Variants in FSHR observed in about 807,000 individuals in gnomAD.
FSHR encodes follicle-stimulating hormone receptor.
In FSHR, 46 loss-of-function variants were observed where a neutral mutation model predicts 52.1. The ratio of observed to expected loss-of-function variants is 0.88; its 90% CI spans 0.70 to 1.13. The LOEUF (loss-of-function observed/expected upper bound fraction) is 1.13. Ranked by LOEUF, FSHR falls within the 50% of genes most tolerant of loss-of-function variation. FSHR has a pLI of 0.00. For missense variants in FSHR, 964 were observed against 834.6 expected (o/e 1.16, Z -1.91); for synonymous variants, 399 against 309.6 (o/e 1.29, Z -3.03).
intron 4 of FSHR, chr2:49,015,057 A>G: frequency 3.3e-6 from 1 of 305,966 alleles, no homozygotes; most frequent in Non-Finnish European, 6.5e-6. Flanking sequence ...GTTTTTATAT[A>G]AAAACAATTT....
At position 48,968,678 on chromosome 2, in the gene FSHR, G is replaced by C. The variant is rs1674589672; in HGVS notation, c.854+20C>G. The C allele has an allele frequency of 5.0e-6, 8 of 1,613,456 alleles. No individual in the cohort carries two copies. The highest frequency in any genetic ancestry group is 6.8e-6 in the Non-Finnish European group (8 of 1,179,402). ...CTACATTGGGGAAATGCCTGAGCAG[G>C]GCTTAAAGGATGGACTCACATTTGC... On this transcript the variant is annotated intron_variant, in intron 9 of 9. Transcript: ENST00000406846.
At chr2:49,129,672 C>T (rs1191757024) in intron 1 of FSHR, among the ~76,000 whole-genome samples, 2 of 152,108 alleles carry the variant, frequency 1.3e-5, no homozygotes, top group African/African-American at 4.8e-5. Context: ...ACTAACTGAA[C>T]ATTTTCAACA....
At chr2:49,063,758 C>A (rs1669400843) in intron 2 of FSHR, among the ~76,000 whole-genome samples, 1 of 151,998 alleles carries the variant, frequency 6.6e-6, no homozygotes, top group African/African-American at 2.4e-5. Flanking sequence ...TGTTCTATAG[C>A]ACTGTAGGGC....
rs532053066 is a variant in FSHR, at chr2:49,085,167, C to T, written c.153-16877G>A. 4.7e-4 allele frequency among the ~76,000 whole-genome samples: 72 copies of T among 151,936 alleles called. 1 individual carries two copies. Among genetic ancestry groups the T allele is most frequent in the African/African-American group, 1.7e-3 (71 of 41,356 alleles). On this transcript the variant is annotated intron_variant, in intron 1 of 9. Coordinates refer to ENST00000406846, the MANE Select transcript of FSHR (RefSeq NM_000145.4). The stretch of plus-strand genomic sequence containing the variant: ...CCACCATGATCAAGTGGGCTTCATC[C>T]CTGGGATGCAAGGCTGGTTCAATAT...
intron 2 of FSHR, among the ~76,000 whole-genome samples, chr2:49,045,390 T>A (rs1378012127): frequency 2.0e-5 from 3 of 152,192 alleles, no homozygotes; most frequent in Non-Finnish European, 4.4e-5. Context: ...GCACATTAAA[T>A]TTTGAAGTGC....
chr2:49,129,234 C>T (rs1295819421), intron 1 of FSHR, among the ~76,000 whole-genome samples: 1 of 152,138 alleles, frequency 6.6e-6, no homozygotes, highest in African/African-American at 2.4e-5. Flanking sequence ...CTGTTCCTCA[C>T]ACCTCACGTC....
intron 6 of FSHR, 36 bp from the exon 7 acceptor site, chr2:48,983,202 C>T (rs777868940): frequency 6.4e-7 from 1 of 1,571,904 alleles, no homozygotes; most frequent in Non-Finnish European, 8.8e-7. Context: ...CCAATAATGT[C>T]AGATGCAAAC....
intron 1 of FSHR, among the ~76,000 whole-genome samples, chr2:49,140,829 T>C (rs1329258783): frequency 2.0e-5 from 3 of 152,198 alleles, no homozygotes; most frequent in Non-Finnish European, 4.4e-5. Context: ...TTTAAAATAC[T>C]ATCATCAAGG....
In FSHR at chr2:49,007,202, C is replaced by T. The variant is rs193193151; in HGVS notation, c.374+10287G>A. On this transcript the variant is annotated intron_variant, in intron 4 of 9. Transcript: ENST00000406846. ...TTTCCCACCATCATAGAGAAGTAAA[C>T]ATAGCTAAGCACGAAAAGTATAAGA... Among the ~76,000 whole-genome samples the T allele has an allele frequency of 1.5e-3, 221 of 152,112 alleles. 2 individuals carry two copies. Among genetic ancestry groups the T allele is most frequent in the Middle Eastern group, 6.8e-3 (2 of 292 alleles).
Position 48,962,565 on chromosome 2 carries a change from T to A in FSHR, c.*168A>T, listed in dbSNP as rs529823271. The A allele has an allele frequency of 2.1e-5, 14 of 652,844 alleles. No individual in the cohort carries two copies. The East Asian group carries it at 3.0e-4, about 14-fold the overall frequency. 40.4% of individuals were successfully genotyped at this position (652,844 alleles called of 1,614,324 possible). ...TGTTGTTACTAATAATTCAGCTTCC[T>A]AATGTATCACATGGAATTAATAGTT... On this transcript the variant is annotated 3_prime_UTR_variant, in exon 10 of 10. Transcript: ENST00000406846.
intron 1 of FSHR, among the ~76,000 whole-genome samples, chr2:49,140,209 A>C (rs1179468727): frequency 1.3e-5 from 2 of 152,064 alleles, no homozygotes; most frequent in Non-Finnish European, 2.9e-5. Flanking sequence ...ATGGGGGTGG[A>C]TCCCTCATGA....
intron 1 of FSHR, among the ~76,000 whole-genome samples, chr2:49,088,535 C>T (rs1281270371): frequency 1.3e-5 from 2 of 152,300 alleles, no homozygotes; most frequent in East Asian, 3.9e-4. Flanking sequence ...TGTGGGTAAA[C>T]AGAATTCGAC....
At chr2:49,120,134 G>T (rs140910463) in intron 1 of FSHR, among the ~76,000 whole-genome samples, 1 of 152,182 alleles carries the variant, frequency 6.6e-6, no homozygotes, top group Non-Finnish European at 1.5e-5. Context: ...ATCTGGGCAT[G>T]GTGGTGCCTG....
chr2:49,042,246 C>G (rs12465332), intron 2 of FSHR, among the ~76,000 whole-genome samples: 30 of 151,986 alleles, frequency 2.0e-4, no homozygotes, highest in Non-Finnish European at 3.4e-4. Context: ...TTTTTTCCCC[C>G]GAGTGACTTA....
At chr2:49,127,862 CTTCT>C in intron 1 of FSHR, among the ~76,000 whole-genome samples, 4 of 36,292 alleles carry the variant, frequency 1.1e-4, no homozygotes, top group Non-Finnish European at 1.7e-4. Flanking sequence ...TCTTCTTCTT[CTTCT>C]TCTTCTTCTT....
intron 2 of FSHR, among the ~76,000 whole-genome samples, chr2:49,021,831 T>TTTTTTCTCTCTCTCTCTC (rs760578631): frequency 2.1e-5 from 1 of 46,534 alleles, no homozygotes; most frequent in East Asian, 1.0e-3. Flanking sequence ...GGGTATGTGT[T>TTTTTTCTCTCTCTCTCTC]TCTCTCTCTC....
chr2:48,962,540 T>A lies in FSHR; in HGVS notation c.*193A>T. The A allele has an allele frequency of 3.3e-6, 2 of 609,556 alleles. No individual in the cohort carries two copies. The highest frequency in any genetic ancestry group is 3.9e-5 in the South Asian group (2 of 51,008). The allele number at this position is 609,556 out of a possible 1,614,324, so 37.8% of individuals were successfully genotyped here. The stretch of plus-strand genomic sequence containing the variant: ...CAGTATTGCATTCTTTAATTATTAT[T>A]GTTGTTACTAATAATTCAGCTTCCT... On this transcript the variant is annotated 3_prime_UTR_variant, in exon 10 of 10. Transcript: ENST00000406846.
intron 4 of FSHR, among the ~76,000 whole-genome samples, chr2:49,015,431 T>C (rs1444290044): frequency 1.3e-5 from 2 of 152,324 alleles, no homozygotes; most frequent in East Asian, 3.9e-4. Flanking sequence ...AATACATTTA[T>C]TAATGTTTTT....
At position 49,154,515 on chromosome 2, in the gene FSHR, T is replaced by G. The variant is rs1462075424; in HGVS notation, c.-98A>C. 7.6e-7 allele frequency: 1 copy of G among 1,322,716 alleles called. No homozygotes were observed. Among genetic ancestry groups the G allele is most frequent in the Non-Finnish European group, 1.1e-6 (1 of 925,878 alleles). The allele number at this position is 1,322,716 out of a possible 1,614,324, so 81.9% of individuals were successfully genotyped here. ...CACAGTGCCCTTATGAGAAGAGATC[T>G]GACTTGAGAACTGGTAGGGTCATGT... On this transcript the variant is annotated 5_prime_UTR_variant, in exon 1 of 10. Transcript: ENST00000406846.
Sources: allele counts gnomAD v4.1 joint callset (sites outside exome capture counted in the v4.1 genomes callset), GRCh38; gene constraint gnomAD v4.1.1; transcripts MANE v1.5; gene names NCBI Gene and HGNC (gene_info 2026-07-23, HGNC 2026-07-21).